The following ZMYND11 variants were observed in gnomAD, a reference collection of about 807,000 sequenced individuals.
ZMYND11 encodes the protein zinc finger MYND domain-containing protein 11.
ZMYND11 carries 9 observed loss-of-function variants against 84.9 expected under a neutral mutation model. That is an observed-to-expected ratio of 0.11 (90% confidence interval 0.06 to 0.18). ZMYND11 has a LOEUF of 0.18. Ranked by LOEUF, ZMYND11 falls within the 10% of genes least tolerant of loss-of-function variation. The pLI, the probability that ZMYND11 is intolerant of heterozygous loss-of-function variation, is 1.00. For missense variants in ZMYND11, 409 were observed against 761.0 expected (o/e 0.54, Z 5.44); for synonymous variants, 250 against 244.1 (o/e 1.02, Z -0.23).
chr10:222,525 G>C (rs1244856760), intron 4 of ZMYND11, among the ~76,000 whole-genome samples: 1 of 152,192 alleles, frequency 6.6e-6, no homozygotes, highest in Non-Finnish European at 1.5e-5. Context: ...AGGTCTACAA[G>C]AATGTCTGTA....
At chr10:241,908 T>C (rs895456354) in intron 9 of ZMYND11, 113 bp from the exon 10 acceptor site, 43 of 1,328,132 alleles carry the variant, frequency 3.2e-5, no homozygotes, top group Middle Eastern at 2.4e-4. Flanking sequence ...TTAGGAGTTA[T>C]GAAAGAAATA....
chr10:233,500 A>AG (rs1353045027), intron 4 of ZMYND11, among the ~76,000 whole-genome samples: 1 of 152,216 alleles, frequency 6.6e-6, no homozygotes, highest in Non-Finnish European at 1.5e-5. Flanking sequence ...TAAACACTTA[A>AG]GTAGGATATC....
At chr10:149,891 T>C (rs1554756493) in intron 1 of ZMYND11, among the ~76,000 whole-genome samples, 1 of 152,150 alleles carries the variant, frequency 6.6e-6, no homozygotes, top group East Asian at 1.9e-4. Flanking sequence ...TGTCTTTGGT[T>C]CTGTTTATAT....
At chr10:138,903 G>A (rs183270256) in intron 1 of ZMYND11, among the ~76,000 whole-genome samples, 3 of 152,152 alleles carry the variant, frequency 2.0e-5, no homozygotes, top group Non-Finnish European at 4.4e-5. Flanking sequence ...GAGTGCAGTG[G>A]CACAATCTTG....
At chr10:135,168 G>A (rs1554751466), upstream of ZMYND11, 1 of 150,610 alleles carries the variant, frequency 6.6e-6, no homozygotes, top group East Asian at 2.0e-4. This position sits in a 1 kb window ranked among gnomAD's most constrained non-coding sequence, Gnocchi z 5.6. Flanking sequence ...CGCCCGCTCC[G>A]GCCCCGCAGG....
intron 14 of ZMYND11, chr10:249,759 T>C (rs907911440): frequency 1.0e-6 from 1 of 985,262 alleles, no homozygotes; most frequent in Non-Finnish European, 1.2e-6. Flanking sequence ...GTTTCAGTTT[T>C]AATAAATGAC....
intron 1 of ZMYND11, among the ~76,000 whole-genome samples, chr10:171,977 A>G (rs1845430144): frequency 6.6e-6 from 1 of 152,238 alleles, no homozygotes; most frequent in Non-Finnish European, 1.5e-5. Context: ...TGGGAAGTCC[A>G]AGATCAAAAC....
At chr10:141,022 G>A (rs1321923583) in intron 1 of ZMYND11, among the ~76,000 whole-genome samples, 14 of 152,066 alleles carry the variant, frequency 9.2e-5, no homozygotes, top group Admixed American at 6.6e-4. Context: ...GAGATGAGAG[G>A]GATATGTTTA....
chr10:173,472 C>T (rs1845845662), intron 1 of ZMYND11, among the ~76,000 whole-genome samples: 1 of 152,108 alleles, frequency 6.6e-6, no homozygotes, highest in African/African-American at 2.4e-5. Context: ...TAGAAATGGA[C>T]AGAAGGGCAA....
Position 249,059 on chromosome 10 carries a change from C to A in ZMYND11, c.1657C>A (p.Leu553Met). The change falls in exon 14 of 15, where the codon CTG becomes ATG. Residue 553 changes from leucine to methionine, a missense_variant. Coordinates refer to ENST00000381604, the MANE Select transcript of ZMYND11 (RefSeq NM_001370100.5). ...IKKLATQHKQLISQTKKKQWC... is the reference protein window; with the variant it reads ...IKKLATQHKQMISQTKKKQWC... Reference sequence around the variant, plus strand: ...GAAGCTGGCAACACAGCACAAGCAACTGATTTCTCAGACCAAGAAGAAGCA... The same window carrying A: ...GAAGCTGGCAACACAGCACAAGCAAATGATTTCTCAGACCAAGAAGAAGCA... 6.2e-7 allele frequency: 1 copy of A among 1,614,188 alleles called. No homozygotes were observed. Among genetic ancestry groups the A allele is most frequent in the Non-Finnish European group, 8.5e-7 (1 of 1,180,038 alleles).
At chr10:243,791 G>T (rs952311944) in intron 10 of ZMYND11, among the ~76,000 whole-genome samples, 2 of 152,156 alleles carry the variant, frequency 1.3e-5, no homozygotes, top group Admixed American at 6.5e-5. Context: ...CGTGAACCCG[G>T]GAGGTAGAGC....
chr10:165,225 T>A (rs185531092), intron 1 of ZMYND11, among the ~76,000 whole-genome samples: 17 of 152,218 alleles, frequency 1.1e-4, no homozygotes, highest in Admixed American at 1.1e-3. Context: ...TAGTGGATAT[T>A]TTCAGTTCTT....
intron 10 of ZMYND11, among the ~76,000 whole-genome samples, chr10:242,955 C>T (rs979858850): frequency 2.0e-5 from 3 of 151,938 alleles, no homozygotes; most frequent in Admixed American, 6.6e-5. Flanking sequence ...AAATAATGAT[C>T]CAATAAAATA....
intron 1 of ZMYND11, among the ~76,000 whole-genome samples, chr10:163,841 C>G (rs1554762897): frequency 1.3e-5 from 2 of 152,096 alleles, no homozygotes; most frequent in Middle Eastern, 3.2e-3. Context: ...TATACCTATT[C>G]TGCGTGAGTT....
intron 1 of ZMYND11, among the ~76,000 whole-genome samples, chr10:173,052 G>T (rs1429102459): frequency 5.0e-4 from 76 of 150,630 alleles, no homozygotes; most frequent in African/African-American, 1.6e-3. Flanking sequence ...AAAAAAAGAA[G>T]AATCATCTAG....
intron 3 of ZMYND11, among the ~76,000 whole-genome samples, chr10:214,422 G>A (rs982283415): frequency 1.1e-4 from 17 of 152,062 alleles, no homozygotes; most frequent in African/African-American, 3.4e-4. Context: ...CCTGGGCAGC[G>A]TAGCAAGACT....
intron 1 of ZMYND11, among the ~76,000 whole-genome samples, chr10:149,532 G>A (rs541298113): frequency 6.6e-5 from 10 of 151,834 alleles, no homozygotes; most frequent in East Asian, 1.9e-4. Context: ...GGATGGTCTC[G>A]ATCTCCTGAC....
chr10:164,420 G>A (rs1554763123), intron 1 of ZMYND11, among the ~76,000 whole-genome samples: 1 of 152,158 alleles, frequency 6.6e-6, no homozygotes, highest in Non-Finnish European at 1.5e-5. Flanking sequence ...TTAAAACAGT[G>A]ATTGTTGCTC....
intron 3 of ZMYND11, among the ~76,000 whole-genome samples, chr10:212,854 C>G (rs1945495137): frequency 6.6e-6 from 1 of 152,060 alleles, no homozygotes; most frequent in South Asian, 2.1e-4. Context: ...TTCTCAAACA[C>G]AAGACTTGTA....
Sources: gnomAD v4.1 joint callset for allele counts (sites outside exome capture counted in the v4.1 genomes callset) on GRCh38, gnomAD v4.1.1 for gene constraint, Gnocchi (gnomAD v3.1) non-coding constraint, MANE v1.5 for transcripts, NCBI Gene and HGNC (gene_info 2026-07-23, HGNC 2026-07-21) for gene names.